Variants in ZNF232 observed in about 807,000 individuals in gnomAD.
ZNF232 encodes zinc finger and SCAN domain-containing protein 11.
A neutral mutation model predicts 25.2 loss-of-function variants in ZNF232; 25 were observed. That is an observed-to-expected ratio of 0.99 (90% confidence interval 0.72 to 1.39). ZNF232 has a LOEUF of 1.39. Among genes scored for constraint, ZNF232 ranks in the 40% most tolerant of loss-of-function variants. The probability of loss-of-function intolerance (pLI) is 0.00; values close to 1 mark genes in which losing one functional copy is unlikely to be tolerated. For missense variants in ZNF232, 519 were observed against 520.9 expected (o/e 1.00, Z 0.04); for synonymous variants, 193 against 182.9 (o/e 1.06, Z -0.45).
chr17:5,108,918 C>T lies in ZNF232; in HGVS notation c.625+8G>A. ...TCCTCTCCCTCCCCACAGAATCCTG[C>T]TCCTCACCACTCTTTGGGAAAGGCT... On this transcript the variant is annotated splice_region_variant and intron_variant, in intron 3 of 3. Coordinates refer to ENST00000575898, the Ensembl canonical transcript of ZNF232. 1 of 1,613,912 alleles carries T rather than the reference C, an allele frequency of 6.2e-7. No individual in the cohort carries two copies. The highest frequency in any genetic ancestry group is 8.5e-7 in the Non-Finnish European group (1 of 1,179,882).
chr17:5,106,758 AAAG>A (rs1249576635), intron 3 of ZNF232, among the ~76,000 whole-genome samples: 1 of 152,210 alleles, frequency 6.6e-6, no homozygotes, highest in East Asian at 1.9e-4. Flanking sequence ...ATGAAACACT[AAAG>A]AAGTTTTATT....
rs141937185 is a variant in ZNF232, at chr17:5,109,446, T to C, written c.446A>G (p.Glu149Gly). Residue 149 changes from glutamate to glycine, a missense_variant, in exon 2 of 4, where the codon GAG (glutamate) becomes GGG (glycine). Glu to Gly is a moderately conservative substitution (Grantham distance 98). Transcript: ENST00000575898. ...TAAATCCTCCAGCACAGTCACAGCC[T>C]CCTCTCCACTCTTAGGGTGATGTCC... The C allele has an allele frequency of 2.4e-5, 39 of 1,613,912 alleles. No individual in the cohort carries two copies. The highest frequency in any genetic ancestry group is 3.3e-5 in the Non-Finnish European group (39 of 1,179,982).
exon 4 of ZNF232, chr17:5,106,175 C>T (rs1330305177): frequency 3.7e-6 from 6 of 1,614,104 alleles, no homozygotes; most frequent in Non-Finnish European, 4.2e-6. Flanking sequence ...TATAGGGTTT[C>T]TCTCCAGAAT....
intron 1 of ZNF232, chr17:5,111,445 G>GTGA (rs1297282158): frequency 7.5e-6 from 3 of 398,658 alleles, no homozygotes; most frequent in Admixed American, 4.2e-5. Context: ...GTCTCCCAGG[G>GTGA]TGATGCCCGG....
chr17:5,110,055 A>T (rs2072363341), intron 1 of ZNF232, among the ~76,000 whole-genome samples, 187 bp from the exon 2 acceptor site: 1 of 151,922 alleles, frequency 6.6e-6, no homozygotes, highest in South Asian at 2.1e-4. Flanking sequence ...ACATCCAGCT[A>T]ATTTTTTTGT....
At chr17:5,108,731 G>A (rs1458701517) in intron 3 of ZNF232, 195 bp downstream of exon 3, 3 of 730,164 alleles carry the variant, frequency 4.1e-6, no homozygotes, top group East Asian at 3.3e-5. Context: ...ATCTTATGAG[G>A]TAGTTTATTC....
chr17:5,108,447 G>A (rs2072315288), intron 3 of ZNF232, among the ~76,000 whole-genome samples: 1 of 152,012 alleles, frequency 6.6e-6, no homozygotes, highest in African/African-American at 2.4e-5. Flanking sequence ...AGGTGGTAAA[G>A]GTGATGACAG....
intron 1 of ZNF232, among the ~76,000 whole-genome samples, chr17:5,117,817 G>A (rs1022540287): frequency 1.3e-5 from 2 of 152,086 alleles, no homozygotes; most frequent in South Asian, 2.1e-4. Flanking sequence ...AAGTGAGGCC[G>A]GGTGGGGTGG....
chr17:5,106,344 T>G, exon 4 of ZNF232: 1 of 1,614,188 alleles, frequency 6.2e-7, no homozygotes, highest in African/African-American at 1.3e-5. Context: ...TCTCTCCGCT[T>G]TGGGATTTCT....
exon 4 of ZNF232, chr17:5,106,429 C>T (rs999026946): frequency 1.9e-6 from 3 of 1,614,120 alleles, no homozygotes; most frequent in East Asian, 2.2e-5. Context: ...TCTGAGAACA[C>T]CTGTGATTCC....
At chr17:5,106,585 A>G in intron 3 of ZNF232, 52 bp from the exon 4 acceptor site, 1 of 1,454,058 alleles carries the variant, frequency 6.9e-7, no homozygotes, top group Non-Finnish European at 9.3e-7. Flanking sequence ...TTCTGGAATG[A>G]AAACAAATGC....
chr17:5,118,449 G>T (rs1296109464), intron 1 of ZNF232, among the ~76,000 whole-genome samples: 1 of 152,264 alleles, frequency 6.6e-6, no homozygotes, highest in South Asian at 2.1e-4. Flanking sequence ...GGGGTCTGCG[G>T]TGCTGCCCAA....
At chr17:5,118,084 A>G (rs2072575103) in intron 1 of ZNF232, 1 of 152,076 alleles carries the variant, frequency 6.6e-6, no homozygotes, top group Admixed American at 6.6e-5. Context: ...AAAAAAAAAA[A>G]TCAAGACAAG....
At chr17:5,107,394 GAAAAAAAAA>G (rs749338515) in intron 3 of ZNF232, among the ~76,000 whole-genome samples, 32 of 60,688 alleles carry the variant, frequency 5.3e-4, no homozygotes, top group Admixed American at 3.9e-3. Context: ...TCTCAAAAAG[GAAAAAAAAA>G]AAAAAAAAAA....
chr17:5,107,991 C>T (rs1208205057), intron 3 of ZNF232, among the ~76,000 whole-genome samples: 1 of 151,640 alleles, frequency 6.6e-6, no homozygotes, highest in Non-Finnish European at 1.5e-5. Flanking sequence ...TAGAGGCTTA[C>T]TAAACAGAAG....
chr17:5,113,926 T>C (rs1555583941), upstream of ZNF232: 3 of 152,202 alleles, frequency 2.0e-5, no homozygotes, highest in Non-Finnish European at 4.4e-5. Flanking sequence ...CCTCTCATGA[T>C]AAAGCAAAGG....
In ZNF232 at chr17:5,108,982, T is replaced by G. The variant is rs900467869; in HGVS notation, c.569A>C (p.Gln190Pro). 32 of 1,614,044 alleles carry G rather than the reference T, an allele frequency of 2.0e-5. No homozygotes were observed. The highest frequency in any genetic ancestry group is 2.7e-5 in the Non-Finnish European group (32 of 1,180,008). ...CTGGAGCTGGATGCTCAGTGCTTCCTGGGCTGCTCCCAGAGATTCCTTCTT... is the reference window on the plus strand; with the variant it reads ...CTGGAGCTGGATGCTCAGTGCTTCCGGGGCTGCTCCCAGAGATTCCTTCTT... The change falls in exon 3 of 4, where the codon CAG (glutamine) becomes CCG (proline). Residue 190 changes from glutamine to proline, a missense_variant. Transcript: ENST00000575898.
upstream of ZNF232, among the ~76,000 whole-genome samples, chr17:5,115,448 G>C (rs1258648061): frequency 6.6e-6 from 1 of 152,066 alleles, no homozygotes; most frequent in Admixed American, 6.5e-5. Context: ...CTACTCGGGA[G>C]GCTGAGGCGG....
chr17:5,119,897 C>A (rs2072613405), intron 1 of ZNF232, among the ~76,000 whole-genome samples: 3 of 152,068 alleles, frequency 2.0e-5, no homozygotes. Flanking sequence ...TGCACAGGGA[C>A]CCCTCCTTCA....
Sources: allele counts gnomAD v4.1 joint callset (sites outside exome capture counted in the v4.1 genomes callset), GRCh38; gene constraint gnomAD v4.1.1; transcripts MANE v1.5; gene names NCBI Gene and HGNC (gene_info 2026-07-23, HGNC 2026-07-21).